The following PIGB variants were observed in gnomAD, a reference collection of about 807,000 sequenced individuals.
The protein encoded by PIGB is phosphatidylinositol glycan anchor biosynthesis class B.
Under a neutral mutation model 68.4 loss-of-function variants are expected in PIGB, and 58 were observed. The ratio of observed to expected loss-of-function variants is 0.85; its 90% CI spans 0.69 to 1.06. The LOEUF (loss-of-function observed/expected upper bound fraction) is 1.06. PIGB is among the 50% of genes least tolerant of loss of function. The pLI, the probability that PIGB is intolerant of heterozygous loss-of-function variation, is 0.00. For missense variants in PIGB, 634 were observed against 655.8 expected (o/e 0.97, Z 0.36); for synonymous variants, 219 against 220.5 (o/e 0.99, Z 0.06).
intron 10 of PIGB, among the ~76,000 whole-genome samples, chr15:55,353,732 G>A (rs1234957360): frequency 6.6e-6 from 1 of 152,042 alleles, no homozygotes; most frequent in African/African-American, 2.4e-5. Flanking sequence ...AGCCTCTTGA[G>A]TAGCTGGAAC....
At chr15:55,334,726 A>G (rs984990667) in intron 6 of PIGB, among the ~76,000 whole-genome samples, 1 of 151,860 alleles carries the variant, frequency 6.6e-6, no homozygotes, top group African/African-American at 2.4e-5. Context: ...GGCTATATAT[A>G]TTTTTTTATT....
At chr15:55,344,890 C>CTTTTTTTTTT (rs1164109873) in intron 9 of PIGB, among the ~76,000 whole-genome samples, 60 of 98,900 alleles carry the variant, frequency 6.1e-4, no homozygotes, top group Non-Finnish European at 9.1e-4. Flanking sequence ...ATATTCTTAT[C>CTTTTTTTTTT]TTTTTTTTTT....
At chr15:55,341,600 G>A (rs2055671925) in intron 8 of PIGB, 138 bp from the exon 9 acceptor site, 1 of 307,082 alleles carries the variant, frequency 3.3e-6, no homozygotes, top group African/African-American at 2.2e-5. Flanking sequence ...ATGAATTTCT[G>A]AAGCAAGAAA....
intron 4 of PIGB, among the ~76,000 whole-genome samples, chr15:55,329,162 A>G (rs2055357309): frequency 6.6e-6 from 1 of 152,180 alleles, no homozygotes; most frequent in Non-Finnish European, 1.5e-5. Context: ...TTCTTCCAAA[A>G]ACTGATTCAT....
intron 5 of PIGB, among the ~76,000 whole-genome samples, chr15:55,333,393 T>G (rs1157658738): frequency 2.0e-5 from 3 of 152,070 alleles, no homozygotes; most frequent in African/African-American, 7.2e-5. Flanking sequence ...GTCAGGAGTT[T>G]GAGACCAGCC....
intron 8 of PIGB, among the ~76,000 whole-genome samples, chr15:55,341,413 A>T (rs1260911730): frequency 6.6e-6 from 1 of 152,150 alleles, no homozygotes; most frequent in East Asian, 1.9e-4. Context: ...GACCACAGAA[A>T]TACATTCTAA....
At chr15:55,339,429 C>G in intron 7 of PIGB, 111 bp downstream of exon 7, 3 of 673,780 alleles carry the variant, frequency 4.5e-6, no homozygotes, top group Non-Finnish European at 7.5e-6. Context: ...CAAAAGACTT[C>G]TAGGCATATC....
At chr15:55,343,838 T>A (rs1216874406) in intron 9 of PIGB, among the ~76,000 whole-genome samples, 1 of 152,166 alleles carries the variant, frequency 6.6e-6, no homozygotes, top group South Asian at 2.1e-4. Context: ...GTCAAAAAAC[T>A]CTAATTCCTA....
chr15:55,335,464 C>CA (rs1365916805), intron 6 of PIGB, among the ~76,000 whole-genome samples: 3 of 151,892 alleles, frequency 2.0e-5, no homozygotes, highest in African/African-American at 4.8e-5. Flanking sequence ...TCAGTTTAAC[C>CA]AAAAAAAGTA....
At chr15:55,350,559 T>C in intron 9 of PIGB, 140 bp from the exon 10 acceptor site, 1 of 655,120 alleles carries the variant, frequency 1.5e-6, no homozygotes. Context: ...TGGTCAGAGA[T>C]ATGACTTATT....
chr15:55,321,459 C>G, intron 3 of PIGB, 69 bp downstream of exon 3: 1 of 1,341,196 alleles, frequency 7.5e-7, no homozygotes, highest in Non-Finnish European at 1.0e-6. Flanking sequence ...GCTACTGTTG[C>G]TGAAGTCCAG....
At chr15:55,333,576 C>A (rs1172545883) in intron 5 of PIGB, among the ~76,000 whole-genome samples, 1 of 151,984 alleles carries the variant, frequency 6.6e-6, no homozygotes, top group African/African-American at 2.4e-5. Context: ...ACTGAAAATA[C>A]AAAAAATTAG....
At chr15:55,339,414 C>A in intron 7 of PIGB, 96 bp downstream of exon 7, 2 of 772,724 alleles carry the variant, frequency 2.6e-6, no homozygotes, top group Non-Finnish European at 2.1e-6. Context: ...ATATGGGATA[C>A]ATTACAAAAG....
chr15:55,353,517 T>C (rs913435713), intron 10 of PIGB, among the ~76,000 whole-genome samples: 1 of 152,138 alleles, frequency 6.6e-6, no homozygotes, highest in East Asian at 1.9e-4. Flanking sequence ...CTAAGGCAAT[T>C]ATAAACATGG....
chr15:55,329,184 A>G (rs926278274), intron 4 of PIGB, among the ~76,000 whole-genome samples: 4 of 151,136 alleles, frequency 2.6e-5, no homozygotes, highest in Non-Finnish European at 5.9e-5. Flanking sequence ...AATTTAGTCA[A>G]TCTCCAAATT....
intron 5 of PIGB, 105 bp from the exon 6 acceptor site, chr15:55,333,762 C>T (rs1040022464): frequency 5.3e-6 from 4 of 750,104 alleles, no homozygotes; most frequent in Admixed American, 7.9e-5. Flanking sequence ...AAAAAAAGTT[C>T]ATATAGCTAT....
chr15:55,339,232 C>T, intron 6 of PIGB, 35 bp from the exon 7 acceptor site: 1 of 1,489,030 alleles, frequency 6.7e-7, no homozygotes, highest in Non-Finnish European at 9.2e-7. Context: ...CAGCAAGCTC[C>T]AAATGTGAAT....
Position 55,354,925 on chromosome 15 carries a change from CATGATG to C in PIGB, c.1469_1474del (p.Asp490_Asp491del). 1 of 1,612,798 alleles carries C rather than the reference CATGATG, an allele frequency of 6.2e-7. No homozygotes were observed. The highest frequency in any genetic ancestry group is 8.5e-7 in the Non-Finnish European group (1 of 1,179,064). Reference sequence around the variant, plus strand: ...CTTAAACTGGTTACATAGAGAGTTTCATGATGATGCATCATTGCCTACTCACTTGAT... The same window carrying C: ...CTTAAACTGGTTACATAGAGAGTTTCATGCATCATTGCCTACTCACTTGAT... On this transcript the variant is annotated inframe_deletion, in exon 11 of 12. Transcript: ENST00000164305.
At chr15:55,327,097 T>C (rs934683448) in intron 3 of PIGB, among the ~76,000 whole-genome samples, 1 of 151,622 alleles carries the variant, frequency 6.6e-6, no homozygotes, top group South Asian at 2.1e-4. Context: ...TGAGACCCTG[T>C]CAATCAATCA....
Sources: allele counts gnomAD v4.1 joint callset (sites outside exome capture counted in the v4.1 genomes callset), GRCh38; gene constraint gnomAD v4.1.1; transcripts MANE v1.5; gene names NCBI Gene and HGNC (gene_info 2026-07-23, HGNC 2026-07-21).